Variants in GGTA1 observed in about 807,000 individuals in gnomAD.
The protein encoded by GGTA1 is inactive N-acetyllactosaminide alpha-1,3-galactosyltransferase.
Under a neutral mutation model 2.6 loss-of-function variants are expected in GGTA1, and 5 were observed. That is an observed-to-expected ratio of 1.92 (90% confidence interval 1.00 to 4.04). GGTA1 has a LOEUF of 4.04. Ranked by LOEUF, GGTA1 falls within the 30% of genes most tolerant of loss-of-function variation. The pLI is 0.00. For missense variants in GGTA1, 50 were observed against 16.7 expected (o/e 2.99, Z -3.47); for synonymous variants, 17 against 5.0 (o/e 3.38, Z -3.19).
chr9:121,490,243 A>G (rs1266702187), intron 1 of GGTA1, among the ~76,000 whole-genome samples: 1 of 152,212 alleles, frequency 6.6e-6, no homozygotes, highest in East Asian at 1.9e-4. Context: ...GGCAATAGAC[A>G]CTTAGCTCTA....
intron 1 of GGTA1, among the ~76,000 whole-genome samples, chr9:121,487,835 C>G (rs1828793207): frequency 6.6e-6 from 1 of 151,874 alleles, no homozygotes; most frequent in Admixed American, 6.5e-5. Flanking sequence ...CCTGCCTCAG[C>G]CTCCCACGTA....
intron 2 of GGTA1, among the ~76,000 whole-genome samples, chr9:121,467,246 A>G (rs147804422): frequency 1.4e-3 from 217 of 152,300 alleles, no homozygotes; most frequent in Middle Eastern, 6.8e-3. Flanking sequence ...GGTAGCTCAT[A>G]TATTTGGGGT....
intron 1 of GGTA1, among the ~76,000 whole-genome samples, chr9:121,489,106 A>T (rs1406063018): frequency 6.6e-6 from 1 of 152,256 alleles, no homozygotes; most frequent in Non-Finnish European, 1.5e-5. Flanking sequence ...AGGCCTTATT[A>T]AAAAATTTAA....
intron 5 of GGTA1, among the ~76,000 whole-genome samples, chr9:121,459,574 C>G (rs1486737906): frequency 2.0e-5 from 3 of 152,208 alleles, no homozygotes; most frequent in Non-Finnish European, 4.4e-5. Flanking sequence ...GTCCAGATGT[C>G]CCATAAGCAC....
At chr9:121,449,246 T>C (rs913168552) in intron 7 of GGTA1, among the ~76,000 whole-genome samples, 3 of 152,370 alleles carry the variant, frequency 2.0e-5, no homozygotes, top group East Asian at 3.9e-4. Flanking sequence ...GAAATAAAGC[T>C]TCTGTAAATA....
Position 121,476,503 on chromosome 9 carries a change from C to G in GGTA1, c.-9-8572G>C, listed in dbSNP as rs1589334022. Reference sequence around the variant, plus strand: ...AATCCCCAGTTCTTCTCTGATGAACCCAGGATGTGCATGAGAAATCAGCCT... The same window carrying G: ...AATCCCCAGTTCTTCTCTGATGAACGCAGGATGTGCATGAGAAATCAGCCT... On this transcript the variant is annotated intron_variant, in intron 1 of 5. Transcript: ENST00000481799. This position sits in a 1 kb window ranked among gnomAD's most constrained non-coding sequence, Gnocchi z 4.6. Among the ~76,000 whole-genome samples the G allele has an allele frequency of 6.6e-6, 1 of 152,184 alleles. No individual in the cohort carries two copies. Among genetic ancestry groups the G allele is most frequent in the Non-Finnish European group, 1.5e-5 (1 of 68,010 alleles).
chr9:121,481,447 G>A (rs1472187515), intron 1 of GGTA1, among the ~76,000 whole-genome samples: 3 of 152,156 alleles, frequency 2.0e-5, no homozygotes, highest in Non-Finnish European at 2.9e-5. Context: ...AGCACTTTGG[G>A]AGGCTGAGGC....
intron 1 of GGTA1, among the ~76,000 whole-genome samples, chr9:121,469,699 G>A (rs1365702221): frequency 1.3e-5 from 2 of 152,180 alleles, no homozygotes; most frequent in African/African-American, 4.8e-5. Flanking sequence ...AGGAGATAAT[G>A]TCCTCTTCTA....
At chr9:121,492,171 A>G (rs1828882945) in intron 1 of GGTA1, among the ~76,000 whole-genome samples, 1 of 152,148 alleles carries the variant, frequency 6.6e-6, no homozygotes, top group Non-Finnish European at 1.5e-5. Flanking sequence ...GAGGCCCCCA[A>G]GTTGGGATTT....
At chr9:121,453,309 G>C (rs934285763), downstream of GGTA1, among the ~76,000 whole-genome samples, 2 of 152,198 alleles carry the variant, frequency 1.3e-5, no homozygotes, top group African/African-American at 2.4e-5. Flanking sequence ...AAAGGGGTGA[G>C]AGGGAGGGCT....
chr9:121,479,026 G>T (rs559772894), intron 1 of GGTA1: 67 of 455,880 alleles, frequency 1.5e-4, no homozygotes, highest in African/African-American at 1.3e-3. Context: ...CTGCAGCCCT[G>T]TGAGGTCCTA....
intron 1 of GGTA1, among the ~76,000 whole-genome samples, chr9:121,492,910 G>A (rs1050540434): frequency 5.9e-5 from 9 of 151,864 alleles, no homozygotes; most frequent in Admixed American, 4.6e-4. Flanking sequence ...TTAGGAGGCC[G>A]AAGCAGGCAG....
chr9:121,478,286 G>A (rs1260880526), intron 1 of GGTA1, among the ~76,000 whole-genome samples: 3 of 152,200 alleles, frequency 2.0e-5, no homozygotes, highest in Non-Finnish European at 2.9e-5. Flanking sequence ...GCATTTCCAG[G>A]CACCTTCTGT....
At chr9:121,485,978 A>G (rs780714910) in intron 1 of GGTA1, among the ~76,000 whole-genome samples, 4 of 152,212 alleles carry the variant, frequency 2.6e-5, no homozygotes, top group Admixed American at 6.5e-5. Flanking sequence ...TGCGCACACC[A>G]TGAACTAGGA....
chr9:121,465,292 A>T (rs2064997155), intron 2 of GGTA1, among the ~76,000 whole-genome samples: 1 of 152,256 alleles, frequency 6.6e-6, no homozygotes, highest in Admixed American at 6.5e-5. Flanking sequence ...CTTGAAGGTT[A>T]TCCAAGCAGA....
chr9:121,451,358 T>A (rs1455651379), downstream of GGTA1, among the ~76,000 whole-genome samples: 1 of 152,164 alleles, frequency 6.6e-6, no homozygotes, highest in Admixed American at 6.5e-5. Flanking sequence ...GCTAATTTTT[T>A]GTATTTTTCA....
At chr9:121,470,008 C>T (rs1195389215) in intron 1 of GGTA1, among the ~76,000 whole-genome samples, 1 of 152,242 alleles carries the variant, frequency 6.6e-6, no homozygotes, top group African/African-American at 2.4e-5. Context: ...TGCCTGTCTT[C>T]TGTCTCCTGA....
At chr9:121,456,972 C>T (rs532647195) in intron 5 of GGTA1, among the ~76,000 whole-genome samples, 1 of 152,310 alleles carries the variant, frequency 6.6e-6, no homozygotes, top group Admixed American at 6.5e-5. Flanking sequence ...GCGTCCAACA[C>T]AACTCATTAT....
At chr9:121,483,319 A>G (rs1003351707) in intron 1 of GGTA1, among the ~76,000 whole-genome samples, 4 of 152,156 alleles carry the variant, frequency 2.6e-5, no homozygotes, top group Admixed American at 6.5e-5. Context: ...TCCAGGGAAC[A>G]CTACTGATCA....
Sources: gnomAD v4.1 joint callset for allele counts (sites outside exome capture counted in the v4.1 genomes callset) on GRCh38, gnomAD v4.1.1 for gene constraint, Gnocchi (gnomAD v3.1) non-coding constraint, MANE v1.5 for transcripts, NCBI Gene and HGNC (gene_info 2026-07-23, HGNC 2026-07-21) for gene names.